RP2: variants seen among roughly 807,000 people sequenced by gnomAD.
RP2 encodes RP2 activator of ARL3 GTPase.
In RP2, 3 loss-of-function variants were observed where a neutral mutation model predicts 20.3. The ratio of observed to expected loss-of-function variants is 0.15; its 90% CI spans 0.07 to 0.38. RP2 has a LOEUF of 0.38. Ranked by LOEUF, RP2 falls within the 10% of genes least tolerant of loss-of-function variation. The probability of loss-of-function intolerance (pLI) is 1.00; values close to 1 mark genes in which losing one functional copy is unlikely to be tolerated. For missense variants in RP2, 233 were observed against 268.5 expected, an observed-to-expected ratio of 0.87 and a Z score of 0.92; for synonymous variants, 75 against 94.8, an observed-to-expected ratio of 0.79 and a Z score of 1.22.
At position 46,879,812 on chromosome X, in the gene RP2, C is replaced by T. The variant is rs1556328411; in HGVS notation, c.*43C>T. The T allele has an allele frequency of 1.2e-6, 1 of 815,188 alleles. No homozygotes were observed. Among genetic ancestry groups the T allele is most frequent in the South Asian group, 2.6e-5 (1 of 38,507 alleles). 67.2% of individuals were successfully genotyped at this position (815,188 alleles called of 1,213,427 possible). On this transcript the variant is annotated 3_prime_UTR_variant, in exon 5 of 5. Transcript: ENST00000218340. ...GGACTTGGTATTAAGCCTTTCCCAA[C>T]TTGTGAATATAGAATTTGATAATAC...
intron 1 of RP2, among the ~76,000 whole-genome samples, chrX:46,849,078 T>A (rs1375681802): frequency 9.0e-6 from 1 of 111,349 alleles, no homozygotes; most frequent in Non-Finnish European, 1.9e-5. Flanking sequence ...AAGTGGCTCT[T>A]AGGAAAAAAT....
At chrX:46,851,339 T>C (rs782165649) in intron 1 of RP2, among the ~76,000 whole-genome samples, 1 of 111,744 alleles carries the variant, frequency 8.9e-6, no homozygotes, top group East Asian at 2.8e-4. Flanking sequence ...AGGCATACTG[T>C]TTAAAAGATT....
chrX:46,861,026 C>G (rs981981214), intron 3 of RP2, among the ~76,000 whole-genome samples: 21 of 111,785 alleles, frequency 1.9e-4, no homozygotes, highest in African/African-American at 6.8e-4. Flanking sequence ...CTTGCTGTGA[C>G]CCACTGCATG....
Position 46,876,317 on chromosome X carries a change from G to A in RP2, c.884-1188G>A, listed in dbSNP as rs781904576. Among the ~76,000 whole-genome samples the A allele has an allele frequency of 2.7e-5, 3 of 110,592 alleles. No individual in the cohort carries two copies. In the East Asian group the frequency reaches 8.4e-4, roughly 31 times the overall value. ...TAATTTTTTGTAGAGACGGGGTCTT[G>A]CTTTGTTGCCTAGGCTGGTCTTCAA... On this transcript the variant is annotated intron_variant, in intron 3 of 4. Coordinates refer to ENST00000218340, the MANE Select transcript of RP2 (RefSeq NM_006915.3).
chrX:46,851,793 G>A (rs1556318178), intron 1 of RP2, among the ~76,000 whole-genome samples: 2 of 109,328 alleles, frequency 1.8e-5, no homozygotes, highest in Non-Finnish European at 3.8e-5. Flanking sequence ...GGGGCCAGGC[G>A]TGGTGGCTCA....
intron 1 of RP2, among the ~76,000 whole-genome samples, chrX:46,842,819 A>T (rs2147076721): frequency 9.0e-6 from 1 of 111,502 alleles, no homozygotes; most frequent in East Asian, 2.8e-4. Flanking sequence ...TATTGTATGG[A>T]TATACCACAT....
At position 46,837,043 on chromosome X, in the gene RP2, A is replaced by C; in HGVS notation, c.-58A>C. On this transcript the variant is annotated 5_prime_UTR_variant, in exon 1 of 5. Transcript: ENST00000218340. ...GGCCGGGGTTCCCAGGGTTCACGCC[A>C]CACTCTAGGAAGTGCCTGAGCTAGT... 2 of 1,106,773 alleles carry C rather than the reference A, an allele frequency of 1.8e-6. No individual in the cohort carries two copies. The highest frequency in any genetic ancestry group is 3.3e-5 in the East Asian group (1 of 30,477). 91.2% of individuals were successfully genotyped at this position (1,106,773 alleles called of 1,213,427 possible).
chrX:46,875,292 TTTC>T (rs1472691966), intron 3 of RP2, among the ~76,000 whole-genome samples: 2 of 106,220 alleles, frequency 1.9e-5, no homozygotes, highest in African/African-American at 7.3e-5. Context: ...CTGTATTTTC[TTTC>T]TTTTTTTTTT....
intron 1 of RP2, among the ~76,000 whole-genome samples, chrX:46,849,431 T>TA (rs1247857655): frequency 9.0e-6 from 1 of 111,084 alleles, no homozygotes; most frequent in Non-Finnish European, 1.9e-5. Context: ...AAAACTTTTT[T>TA]AGAGCTAGGG....
At chrX:46,849,384 T>C (rs1924820125) in intron 1 of RP2, among the ~76,000 whole-genome samples, 1 of 109,305 alleles carries the variant, frequency 9.1e-6, no homozygotes, top group Middle Eastern at 4.2e-3. Flanking sequence ...TTACCCCCCT[T>C]CCACCAACTC....
intron 1 of RP2, among the ~76,000 whole-genome samples, chrX:46,849,184 TTA>T (rs1413489984): frequency 9.1e-6 from 1 of 110,309 alleles, no homozygotes; most frequent in Non-Finnish European, 1.9e-5. Flanking sequence ...TTTCAGTTGT[TTA>T]TTATTACTTT....
intron 4 of RP2, among the ~76,000 whole-genome samples, chrX:46,879,166 G>C (rs1556328269): frequency 1.9e-5 from 2 of 105,361 alleles, no homozygotes; most frequent in African/African-American, 6.9e-5. Context: ...CTTGAGTCCA[G>C]AAGTCTAGGC....
intron 1 of RP2, among the ~76,000 whole-genome samples, chrX:46,847,754 G>A (rs9306560): frequency 0.022 from 1,781 of 82,751 alleles, 67 homozygotes; most frequent in African/African-American, 0.095. Context: ...ATGTGTGTGT[G>A]TATATACACA....
chrX:46,867,622 A>C (rs782540781), intron 3 of RP2, among the ~76,000 whole-genome samples: 1 of 111,202 alleles, frequency 9.0e-6, no homozygotes, highest in African/African-American at 3.3e-5. Flanking sequence ...ATACATTTAC[A>C]TTCTCTTTTT....
At chrX:46,869,300 C>CT (rs200572647) in intron 3 of RP2, among the ~76,000 whole-genome samples, 50 of 97,897 alleles carry the variant, frequency 5.1e-4, no homozygotes, top group Non-Finnish European at 5.6e-4. Flanking sequence ...TGTAGTTTTT[C>CT]TTTTTTTTTT....
Position 46,852,611 on chromosome X carries a change from C to G in RP2, c.103-865C>G, listed in dbSNP as rs868933758. Among the ~76,000 whole-genome samples, 4 of 110,956 alleles carry G rather than the reference C, an allele frequency of 3.6e-5. No individual in the cohort carries two copies. The South Asian group carries it at 1.5e-3, about 42-fold the overall frequency. ...ATTATTATTATTTTTGGGACAGAGT[C>G]TCACTGTGTCCCCCAGGCTGGAGTG... is the stretch of plus-strand genomic sequence containing the variant. On this transcript the variant is annotated intron_variant, in intron 1 of 4. Coordinates refer to ENST00000218340, the MANE Select transcript of RP2 (RefSeq NM_006915.3).
chrX:46,846,052 C>T (rs782591064), intron 1 of RP2, among the ~76,000 whole-genome samples: 2 of 111,756 alleles, frequency 1.8e-5, no homozygotes, highest in East Asian at 5.6e-4. Flanking sequence ...AGGCATGAAC[C>T]ACCACACCCA....
intron 1 of RP2, among the ~76,000 whole-genome samples, chrX:46,849,070 G>A (rs906556712): frequency 9.9e-5 from 11 of 111,027 alleles, no homozygotes; most frequent in Non-Finnish European, 1.9e-4. Context: ...CACTTCATAA[G>A]TGGCTCTTAG....
chrX:46,842,874 A>G (rs1924648160), intron 1 of RP2, among the ~76,000 whole-genome samples: 1 of 111,312 alleles, frequency 9.0e-6, no homozygotes, highest in Non-Finnish European at 1.9e-5. Context: ...GGTTGTTTCT[A>G]CTTTTTGTCT....
Sources: gnomAD v4.1 joint callset for allele counts (sites outside exome capture counted in the v4.1 genomes callset) on GRCh38, gnomAD v4.1.1 for gene constraint, MANE v1.5 for transcripts, NCBI Gene and HGNC (gene_info 2026-07-23, HGNC 2026-07-21) for gene names.